AADAT: variants seen among roughly 807,000 people sequenced by gnomAD.
The protein encoded by AADAT is kynurenine/alpha-aminoadipate aminotransferase, mitochondrial.
Under a neutral mutation model 56.2 loss-of-function variants are expected in AADAT, and 25 were observed. The ratio of observed to expected loss-of-function variants is 0.44; its 90% CI spans 0.32 to 0.62. The LOEUF (loss-of-function observed/expected upper bound fraction) is 0.62. Among genes scored for constraint, AADAT ranks in the 20% least tolerant of loss-of-function variants. AADAT has a pLI of 0.04. For synonymous variants in AADAT, 173 were observed against 164.7 expected (o/e 1.05, Z -0.39); for missense variants, 387 against 510.5 (o/e 0.76, Z 2.33).
chr4:170,063,958 G>GAA (rs140253958), intron 11 of AADAT, among the ~76,000 whole-genome samples: 1 of 124,574 alleles, frequency 8.0e-6, no homozygotes, highest in Non-Finnish European at 1.9e-5. Flanking sequence ...ATAAAAAGAG[G>GAA]AAAAAAAAAA....
chr4:170,093,151 A>T (rs2111230300), upstream of AADAT, among the ~76,000 whole-genome samples: 1 of 152,282 alleles, frequency 6.6e-6, no homozygotes, highest in South Asian at 2.1e-4. Context: ...AACTTTGGCC[A>T]GGAGGTGTGG....
upstream of AADAT, among the ~76,000 whole-genome samples, chr4:170,092,730 A>G (rs531816416): frequency 6.6e-6 from 1 of 152,264 alleles, no homozygotes; most frequent in Admixed American, 6.5e-5. Flanking sequence ...TCTCGCAGGC[A>G]TGTTGACAGG....
At chr4:170,062,814 G>T (rs1317601510) in intron 11 of AADAT, among the ~76,000 whole-genome samples, 1 of 152,160 alleles carries the variant, frequency 6.6e-6, no homozygotes, top group Non-Finnish European at 1.5e-5. Context: ...TTTCCATTTT[G>T]TAGCCATCTT....
At chr4:170,074,777 C>T (rs1403005617) in intron 4 of AADAT, among the ~76,000 whole-genome samples, 1 of 151,882 alleles carries the variant, frequency 6.6e-6, no homozygotes, top group Admixed American at 6.6e-5. Context: ...CCATATTTTA[C>T]CAATTGCTAA....
chr4:170,069,032 A>C (rs970615760), intron 7 of AADAT, 116 bp downstream of exon 7: 8 of 821,556 alleles, frequency 9.7e-6, no homozygotes, highest in Non-Finnish European at 1.3e-5. Context: ...CTGGTATTTT[A>C]AGACAAGTAG....
At chr4:170,082,134 T>C (rs1307846031) in intron 3 of AADAT, among the ~76,000 whole-genome samples, 1 of 152,198 alleles carries the variant, frequency 6.6e-6, no homozygotes. Flanking sequence ...TGATTGTAAT[T>C]ATGGTGTGCA....
chr4:170,060,878 G>A lies in AADAT; in HGVS notation c.*50C>T, dbSNP rs1731157265. The A allele has an allele frequency of 1.4e-6, 2 of 1,447,730 alleles. No individual in the cohort carries two copies. Among genetic ancestry groups the A allele is most frequent in the Non-Finnish European group, 1.9e-6 (2 of 1,077,210 alleles). 89.7% of individuals were successfully genotyped at this position (1,447,730 alleles called of 1,614,324 possible). ...GATCCTCCCTCCTCTGCCTCCCAAA[G>A]TGCTGGGATTATAGGTGTGAGCCAC... is the stretch of plus-strand genomic sequence containing the variant. On this transcript the variant is annotated 3_prime_UTR_variant, in exon 13 of 13. Coordinates refer to ENST00000337664, the MANE Select transcript of AADAT (RefSeq NM_016228.4).
intron 8 of AADAT, among the ~76,000 whole-genome samples, chr4:170,068,037 G>A (rs1731563819): frequency 6.6e-6 from 1 of 151,318 alleles, no homozygotes; most frequent in Non-Finnish European, 1.5e-5. Context: ...TACTCGAGAG[G>A]CTAAGGCAGG....
intron 11 of AADAT, 21 bp downstream of exon 11, chr4:170,064,698 C>T: frequency 6.5e-7 from 1 of 1,529,624 alleles, no homozygotes; most frequent in Non-Finnish European, 8.9e-7. Context: ...GGTTTCCCAG[C>T]CCTTCACCTC....
At chr4:170,086,979 G>A in intron 3 of AADAT, 137 bp downstream of exon 3, 2 of 1,270,366 alleles carry the variant, frequency 1.6e-6, no homozygotes, top group South Asian at 1.4e-5. Flanking sequence ...TTAGTTCCCT[G>A]TTTATAATTC....
At chr4:170,092,262 T>A (rs1342749706), upstream of AADAT, among the ~76,000 whole-genome samples, 1 of 152,258 alleles carries the variant, frequency 6.6e-6, no homozygotes, top group Non-Finnish European at 1.5e-5. Context: ...TCCACATTGC[T>A]TTTATGAGTT....
At position 170,089,428 on chromosome 4, in the gene AADAT, C is replaced by T. The variant is rs151255138; in HGVS notation, c.67+196G>A. On this transcript the variant is annotated intron_variant, in intron 1 of 12. Coordinates refer to ENST00000337664, the MANE Select transcript of AADAT (RefSeq NM_016228.4). The stretch of plus-strand genomic sequence containing the variant: ...TACTCTGCTCCAGCAGAAATACCCG[C>T]CTTCCGTTTCAGCCCGAGTTCTTTG... 1.5e-3 allele frequency: 970 copies of T among 635,216 alleles called. 6 individuals are homozygous for T. The highest frequency in any genetic ancestry group is 0.015 in the African/African-American group (818 of 54,838). The allele number at this position is 635,216 out of a possible 1,614,324, so 39.3% of individuals were successfully genotyped here.
At position 170,088,400 on chromosome 4, in the gene AADAT, C is replaced by G. The variant is rs762619514; in HGVS notation, c.232G>C (p.Ala78Pro). ...MKRALQYSPS[A>P]GIPELLSWLK... is the part of the protein sequence containing the mutation. ...ATGTTAAGTATTGATACTTACCCAGCACTCGGAGAATACTGAAGTGCTCTC... is the reference window on the plus strand; with the variant it reads ...ATGTTAAGTATTGATACTTACCCAGGACTCGGAGAATACTGAAGTGCTCTC... Residue 78 changes from alanine to proline, a missense_variant, in exon 2 of 13, where the codon GCT becomes CCT. Physicochemically the swap from Ala to Pro is conservative, Grantham distance 27 (BLOSUM62 -1). Coordinates refer to ENST00000337664, the MANE Select transcript of AADAT (RefSeq NM_016228.4). 3 of 1,591,940 alleles carry G rather than the reference C, an allele frequency of 1.9e-6. No homozygotes were observed. The South Asian group carries it at 3.4e-5, about 18-fold the overall frequency.
intron 4 of AADAT, among the ~76,000 whole-genome samples, chr4:170,075,918 A>T (rs1041348931): frequency 1.3e-5 from 2 of 152,226 alleles, no homozygotes; most frequent in African/African-American, 4.8e-5. Flanking sequence ...TATGTATCAG[A>T]TCTGTGTTCC....
chr4:170,068,888 G>A (rs1581574069), intron 7 of AADAT, among the ~76,000 whole-genome samples: 3 of 152,088 alleles, frequency 2.0e-5, no homozygotes, highest in South Asian at 2.1e-4. Context: ...TACGTATTTC[G>A]AAATGTGCCC....
In AADAT at chr4:170,068,692, G is replaced by C. The variant is rs375944075; in HGVS notation, c.804-5C>G. 6.4e-7 allele frequency: 1 copy of C among 1,569,732 alleles called. No individual in the cohort carries two copies. The highest frequency in any genetic ancestry group is 8.6e-7 in the Non-Finnish European group (1 of 1,160,980). Reference sequence around the variant, plus strand: ...GTTAAAAATCCTATTCTCAACCTACGTGGAAAGAGAAAAGGCACGATACCA... The same window carrying C: ...GTTAAAAATCCTATTCTCAACCTACCTGGAAAGAGAAAAGGCACGATACCA... On this transcript the variant is annotated splice_polypyrimidine_tract_variant and splice_region_variant and intron_variant, in intron 7 of 12. Coordinates refer to ENST00000337664, the MANE Select transcript of AADAT (RefSeq NM_016228.4).
chr4:170,090,059 C>G (rs1182895063), upstream of AADAT: 2 of 152,362 alleles, frequency 1.3e-5, no homozygotes, highest in Non-Finnish European at 2.9e-5. Context: ...CGCGCCTCCC[C>G]GTCCCGGATC....
rs538945896 is a variant in AADAT at position 170,060,770 on chromosome 4, G to A, written c.*158C>T. 8.0e-5 allele frequency: 34 copies of A among 424,188 alleles called. No individual in the cohort carries two copies. Among genetic ancestry groups the A allele is most frequent in the African/African-American group, 5.7e-4 (28 of 48,872 alleles). 26.3% of individuals were successfully genotyped at this position (424,188 alleles called of 1,614,324 possible). ...TTTTTTAGAGACAGGGTCTTGTTCT[G>A]CCATGCAGGCCAGAGTGCATGCAGG... is the stretch of plus-strand genomic sequence containing the variant. On this transcript the variant is annotated 3_prime_UTR_variant, in exon 13 of 13. Transcript: ENST00000337664.
chr4:170,072,389 C>T (rs1364194218), intron 5 of AADAT, among the ~76,000 whole-genome samples: 1 of 152,060 alleles, frequency 6.6e-6, no homozygotes, highest in Admixed American at 6.6e-5. Flanking sequence ...CCCACCTCAG[C>T]CTTCCAAAGT....
Sources: allele counts gnomAD v4.1 joint callset (sites outside exome capture counted in the v4.1 genomes callset), GRCh38; gene constraint gnomAD v4.1.1; transcripts MANE v1.5; gene names NCBI Gene and HGNC (gene_info 2026-07-23, HGNC 2026-07-21).